The following KRT23 variants were observed in gnomAD, a reference collection of about 807,000 sequenced individuals.
KRT23 encodes the protein keratin, type I cytoskeletal 23.
KRT23 carries 38 observed loss-of-function variants against 47.6 expected under a neutral mutation model. The ratio of observed to expected loss-of-function variants is 0.80; its 90% confidence interval spans 0.62 to 1.05. The LOEUF (loss-of-function observed/expected upper bound fraction) is 1.05. KRT23 is among the 50% of genes least tolerant of loss of function. KRT23 has a pLI of 0.00. For missense variants in KRT23, 503 were observed against 529.5 expected (o/e 0.95, Z 0.49); for synonymous variants, 191 against 199.0 (o/e 0.96, Z 0.34).
Position 40,925,159 on chromosome 17 carries a change from C to A in KRT23, c.1142+195G>T, listed in dbSNP as rs923392112. The A allele has an allele frequency of 1.3e-5, 8 of 596,860 alleles. No individual in the cohort carries two copies. The Admixed American group carries it at 2.1e-4, about 15-fold the overall frequency. 37.0% of individuals were successfully genotyped at this position (596,860 alleles called of 1,614,324 possible). A position where few individuals can be genotyped will look rare whatever the true frequency, so the allele number is the denominator to read the frequency against. ...CTCTTCTGACTGCAAATCTTAGTGT[C>A]CTGTGAGTATTAGTTGATTAATTAT... On this transcript the variant is annotated intron_variant, in intron 7 of 8. Coordinates refer to ENST00000209718, the MANE Select transcript of KRT23 (RefSeq NM_015515.5).
intron 2 of KRT23, among the ~76,000 whole-genome samples, chr17:40,935,832 A>T (rs1910023886): frequency 6.6e-6 from 1 of 152,242 alleles, no homozygotes. Flanking sequence ...CATGAACACC[A>T]GCCCTTATCA....
At chr17:40,929,032 A>G (rs1200245067) in intron 4 of KRT23, among the ~76,000 whole-genome samples, 2 of 147,534 alleles carry the variant, frequency 1.4e-5, no homozygotes, top group Non-Finnish European at 3.0e-5. Context: ...GTCTCCAAAA[A>G]AAAAAAAAAA....
rs192563673 is a variant in KRT23, at chr17:40,926,554, G to A, written c.922-980C>T. On this transcript the variant is annotated intron_variant, in intron 6 of 8. Coordinates refer to ENST00000209718, the MANE Select transcript of KRT23 (RefSeq NM_015515.5). ...CACATACTTGAATCTGCATCTGGGT[G>A]CTGGCTTCCCTCTGTTCTTTTGTGT... 4.3e-4 allele frequency among the ~76,000 whole-genome samples: 66 copies of A among 152,330 alleles called. No individual in the cohort carries two copies. The Middle Eastern group carries it at 0.01, about 24-fold the overall frequency.
chr17:40,928,241 G>A lies in KRT23; in HGVS notation c.918C>T (p.Ser306=). ...ALEIDLQTQY[S]TKSALENMLS... is the part of the protein sequence containing the mutation. Reference sequence around the variant, plus strand: ...GGTTTTCCTAGCCTTGACTCACCGTGCTGTACTGTGTCTGCAGGTCAATCT... The same window carrying A: ...GGTTTTCCTAGCCTTGACTCACCGTACTGTACTGTGTCTGCAGGTCAATCT... Residue 306 remains serine, a synonymous_variant, in exon 6 of 9, where the codon AGC becomes AGT. Transcript: ENST00000209718. 1 of 1,614,172 alleles carries A rather than the reference G, an allele frequency of 6.2e-7. No individual in the cohort carries two copies.
chr17:40,934,428 C>A (rs72824096), intron 2 of KRT23, among the ~76,000 whole-genome samples: 66 of 152,224 alleles, frequency 4.3e-4, no homozygotes, highest in Admixed American at 1.3e-3. Context: ...CCCACACCCC[C>A]CATTGCACCT....
chr17:40,936,312 T>C lies in KRT23; in HGVS notation c.292A>G (p.Met98Val), dbSNP rs761573793. The change falls in exon 2 of 9, where the codon ATG becomes GTG. Residue 98 changes from methionine to valine, a missense_variant. Met to Val is a conservative substitution (Grantham distance 21, BLOSUM62 1). Coordinates refer to ENST00000209718, the MANE Select transcript of KRT23 (RefSeq NM_015515.5). ...EKVRALEEAN[M>V]KLESRILKWH... ...TTCAGGATGCGGCTTTCCAGCTTCATGTTGGCCTCCTCCAGGGCGCGAACC... is the reference window on the plus strand; with the variant it reads ...TTCAGGATGCGGCTTTCCAGCTTCACGTTGGCCTCCTCCAGGGCGCGAACC... 7 of 1,614,110 alleles carry C rather than the reference T, an allele frequency of 4.3e-6. No individual in the cohort carries two copies. The highest frequency in any genetic ancestry group is 1.1e-5 in the South Asian group (1 of 91,088).
rs532036372 is a variant in KRT23, at chr17:40,935,311, C to T, written c.396+897G>A. Among the ~76,000 whole-genome samples the T allele has an allele frequency of 4.6e-5, 7 of 152,108 alleles. No individual in the cohort carries two copies. In the South Asian group the frequency reaches 1.2e-3, roughly 27 times the overall value. ...ATAAATATTGGAAACTTGTGATACC[C>T]TTTCTAGGGGAGGTTAAATCATGGT... On this transcript the variant is annotated intron_variant, in intron 2 of 8. Transcript: ENST00000209718.
At chr17:40,924,623 T>C (rs1909114108) in intron 7 of KRT23, 120 bp from the exon 8 acceptor site, 1 of 808,790 alleles carries the variant, frequency 1.2e-6, no homozygotes, top group Non-Finnish European at 2.0e-6. Context: ...TGAGGATAAT[T>C]GTCTGAGCTT....
Position 40,936,719 on chromosome 17 carries a change from T to A in KRT23, c.-116A>T. On this transcript the variant is annotated 5_prime_UTR_variant, in exon 2 of 9. Transcript: ENST00000209718. ...ATGGCCTTTGCTGTGGGAGTTCCCT[T>A]CTCTGACAATTGTACCAACAAGATT... 1.1e-6 allele frequency: 1 copy of A among 919,910 alleles called. No homozygotes were observed. The highest frequency in any genetic ancestry group is 1.5e-6 in the Non-Finnish European group (1 of 656,968). 57.0% of individuals were successfully genotyped at this position (919,910 alleles called of 1,614,324 possible).
chr17:40,931,515 C>T (rs1328135230), intron 2 of KRT23, 60 bp from the exon 3 acceptor site: 15 of 1,173,502 alleles, frequency 1.3e-5, no homozygotes, highest in African/African-American at 1.5e-5. Context: ...CACACATGAC[C>T]GCTGCATGTC....
At chr17:40,936,136 C>T in intron 2 of KRT23, 72 bp downstream of exon 2, 2 of 1,533,146 alleles carry the variant, frequency 1.3e-6, no homozygotes, top group Non-Finnish European at 1.8e-6. Context: ...GTCTTCTGGA[C>T]TCATTTTTCC....
chr17:40,934,354 G>A (rs1056170942), intron 2 of KRT23, among the ~76,000 whole-genome samples: 1 of 152,176 alleles, frequency 6.6e-6, no homozygotes, highest in Non-Finnish European at 1.5e-5. Flanking sequence ...CAAAGCCAAA[G>A]AAGTTTCCTA....
intron 8 of KRT23, 78 bp downstream of exon 8, chr17:40,924,394 G>C: frequency 8.5e-7 from 1 of 1,177,530 alleles, no homozygotes; most frequent in South Asian, 1.3e-5. Context: ...GTACATTAAG[G>C]ATTATGACTA....
At chr17:40,924,595 A>AAATCC (rs1909112688) in intron 7 of KRT23, 92 bp from the exon 8 acceptor site, 1 of 992,332 alleles carries the variant, frequency 1.0e-6, no homozygotes, top group East Asian at 2.4e-5. Flanking sequence ...GCTTGCTTGT[A>AAATCC]AATCCTCTGC....
At chr17:40,924,151 T>A (rs1909086461) in intron 8 of KRT23, among the ~76,000 whole-genome samples, 1 of 152,204 alleles carries the variant, frequency 6.6e-6, no homozygotes, top group African/African-American at 2.4e-5. Flanking sequence ...TTCAACAGAA[T>A]CATCTGAGAA....
intron 7 of KRT23, 115 bp downstream of exon 7, chr17:40,925,239 C>G: frequency 1.2e-6 from 1 of 855,648 alleles, no homozygotes; most frequent in Non-Finnish European, 1.9e-6. Context: ...AGTAGCTCAA[C>G]ACAACTTTTC....
intron 2 of KRT23, among the ~76,000 whole-genome samples, chr17:40,935,690 C>T (rs974229991): frequency 5.9e-5 from 9 of 152,232 alleles, no homozygotes; most frequent in East Asian, 1.9e-4. Flanking sequence ...AACTTTTAGG[C>T]ATAATCTTCA....
At chr17:40,927,804 G>A (rs538322926) in intron 6 of KRT23, among the ~76,000 whole-genome samples, 2 of 152,242 alleles carry the variant, frequency 1.3e-5, no homozygotes, top group Admixed American at 6.5e-5. Flanking sequence ...GGGGTTTGAG[G>A]GGGGTAGCCT....
At chr17:40,936,062 A>G in intron 2 of KRT23, 146 bp downstream of exon 2, 1 of 801,316 alleles carries the variant, frequency 1.2e-6, no homozygotes, top group South Asian at 1.8e-5. Flanking sequence ...ATATAATAAG[A>G]AAACATCCCC....
Sources: allele counts gnomAD v4.1 joint callset (sites outside exome capture counted in the v4.1 genomes callset), GRCh38; gene constraint gnomAD v4.1.1; transcripts MANE v1.5; gene names NCBI Gene and HGNC (gene_info 2026-07-23, HGNC 2026-07-21).